The following FKBP5 variants were observed in gnomAD, a reference collection of about 807,000 sequenced individuals.
FKBP5 encodes the protein peptidyl-prolyl cis-trans isomerase FKBP5.
FKBP5 carries 23 observed loss-of-function variants against 50.5 expected under a neutral mutation model. The ratio of observed to expected loss-of-function variants is 0.46; its 90% CI spans 0.33 to 0.65. FKBP5 has a LOEUF of 0.65. FKBP5 is among the 30% of genes least tolerant of loss of function. The pLI is 0.02. For missense variants in FKBP5, 411 were observed against 553.1 expected (o/e 0.74, Z 2.58); for synonymous variants, 176 against 190.6 (o/e 0.92, Z 0.63).
chr6:35,700,994 T>C (rs1766171998), intron 2 of FKBP5, among the ~76,000 whole-genome samples: 1 of 152,122 alleles, frequency 6.6e-6, no homozygotes, highest in African/African-American at 2.4e-5. Context: ...TAAAAAAATT[T>C]AAAAATAGGA....
intron 3 of FKBP5, among the ~76,000 whole-genome samples, chr6:35,629,659 G>A (rs141243879): frequency 1.4e-4 from 21 of 152,218 alleles, no homozygotes; most frequent in Admixed American, 1.3e-3. Flanking sequence ...AAGAACTATA[G>A]CACCACAACA....
At chr6:35,645,469 A>G (rs1300524593) in intron 1 of FKBP5, among the ~76,000 whole-genome samples, 2 of 152,150 alleles carry the variant, frequency 1.3e-5, no homozygotes, top group African/African-American at 2.4e-5. Flanking sequence ...AGAGAGAGGG[A>G]GAGACGGGAG....
intron 1 of FKBP5, among the ~76,000 whole-genome samples, chr6:35,725,348 G>C (rs1766685798): frequency 6.6e-6 from 1 of 152,160 alleles, no homozygotes; most frequent in Admixed American, 6.5e-5. Context: ...ACATAGTGCT[G>C]TCACTTGTCT....
Position 35,620,207 on chromosome 6 carries a change from C to G in FKBP5, c.318G>C (p.Leu106=), listed in dbSNP as rs1216296418. 6.2e-7 allele frequency: 1 copy of G among 1,614,154 alleles called. No individual in the cohort carries two copies. Among genetic ancestry groups the G allele is most frequent in the Non-Finnish European group, 8.5e-7 (1 of 1,180,022 alleles). The change falls in exon 4 of 11, where the codon CTG becomes CTC. Residue 106 remains leucine, a synonymous_variant. Coordinates refer to ENST00000357266, the MANE Select transcript of FKBP5 (RefSeq NM_004117.4). ...TMKKGEICHL[L]CKPEYAYGSA... ...AGCCATATGCATATTCTGGTTTGCACAGTAAATGGCATATCTCTCCTTTCT... is the reference window on the plus strand; with the variant it reads ...AGCCATATGCATATTCTGGTTTGCAGAGTAAATGGCATATCTCTCCTTTCT...
At chr6:35,725,604 C>T (rs991049197) in intron 1 of FKBP5, among the ~76,000 whole-genome samples, 11 of 151,966 alleles carry the variant, frequency 7.2e-5, no homozygotes, top group African/African-American at 2.2e-4. Context: ...AACCTAAAGA[C>T]GGGGAGTGGG....
At chr6:35,639,173 T>C (rs1292100240) in intron 2 of FKBP5, among the ~76,000 whole-genome samples, 1 of 152,214 alleles carries the variant, frequency 6.6e-6, no homozygotes, top group Non-Finnish European at 1.5e-5. Flanking sequence ...GTTAATAAGA[T>C]AGATTACTAT....
chr6:35,692,384 G>A (rs960404782), upstream of FKBP5, among the ~76,000 whole-genome samples: 3 of 152,186 alleles, frequency 2.0e-5, no homozygotes, highest in Non-Finnish European at 4.4e-5. Flanking sequence ...GGCACAGCTA[G>A]GAAGTAGCAG....
intron 2 of FKBP5, among the ~76,000 whole-genome samples, chr6:35,706,679 AC>A (rs2151020512): frequency 6.6e-6 from 1 of 152,288 alleles, no homozygotes; most frequent in African/African-American, 2.4e-5. Flanking sequence ...AAATTTTAAA[AC>A]CCACATACTC....
intron 1 of FKBP5, among the ~76,000 whole-genome samples, chr6:35,664,463 C>G (rs187526424): frequency 1.4e-4 from 21 of 152,276 alleles, no homozygotes; most frequent in African/African-American, 4.8e-4. Context: ...ACATGCCACT[C>G]CCGGAGGAAG....
intron 1 of FKBP5, among the ~76,000 whole-genome samples, chr6:35,644,926 T>C (rs1414969785): frequency 1.3e-5 from 2 of 152,138 alleles, no homozygotes. Context: ...TCTCTGGGTG[T>C]AAAGCACTGA....
chr6:35,678,528 A>C (rs1439640631), intron 1 of FKBP5, among the ~76,000 whole-genome samples: 3 of 152,228 alleles, frequency 2.0e-5, no homozygotes, highest in African/African-American at 7.2e-5. Context: ...ACAGATACGG[A>C]GTACTTAAAC....
At chr6:35,616,600 A>C (rs890510211) in intron 5 of FKBP5, among the ~76,000 whole-genome samples, 24 of 152,164 alleles carry the variant, frequency 1.6e-4, no homozygotes, top group African/African-American at 4.6e-4. Context: ...AAAGTTAAAA[A>C]AAAATTGACT....
At chr6:35,707,139 C>T (rs555227243) in intron 2 of FKBP5, among the ~76,000 whole-genome samples, 2 of 149,674 alleles carry the variant, frequency 1.3e-5, no homozygotes, top group Non-Finnish European at 3.0e-5. Flanking sequence ...TTGTATTTCT[C>T]TTTATATTGT....
intron 5 of FKBP5, among the ~76,000 whole-genome samples, chr6:35,611,129 G>A (rs1394102841): frequency 1.3e-5 from 2 of 152,116 alleles, no homozygotes. Flanking sequence ...TGGATTTGCT[G>A]AGACTAGTTT....
intron 2 of FKBP5, among the ~76,000 whole-genome samples, chr6:35,714,769 G>C (rs554977401): frequency 1.3e-5 from 2 of 148,286 alleles, no homozygotes; most frequent in African/African-American, 5.0e-5. Flanking sequence ...GTGAGCTATC[G>C]TGCCATTGCA....
At chr6:35,621,033 G>A (rs992710944) in intron 3 of FKBP5, among the ~76,000 whole-genome samples, 7 of 152,130 alleles carry the variant, frequency 4.6e-5, no homozygotes, top group African/African-American at 1.7e-4. Context: ...AGGATAAATT[G>A]CATAAAAGGG....
At chr6:35,636,512 G>T (rs1764313461) in intron 3 of FKBP5, among the ~76,000 whole-genome samples, 1 of 152,212 alleles carries the variant, frequency 6.6e-6, no homozygotes, top group African/African-American at 2.4e-5. Context: ...TACTTTGGGG[G>T]ACAGAAGTGC....
At chr6:35,592,307 A>C (rs2150961228) in intron 6 of FKBP5, among the ~76,000 whole-genome samples, 1 of 152,300 alleles carries the variant, frequency 6.6e-6, no homozygotes, top group African/African-American at 2.4e-5. Context: ...TGTTGCTTGC[A>C]CCACTTTCTT....
At chr6:35,701,366 C>T (rs1396857887) in intron 2 of FKBP5, among the ~76,000 whole-genome samples, 2 of 149,272 alleles carry the variant, frequency 1.3e-5, no homozygotes, top group East Asian at 2.0e-4. Context: ...GCCTCAGCCT[C>T]CCAAGTAGCT....
Sources: allele counts gnomAD v4.1 joint callset (sites outside exome capture counted in the v4.1 genomes callset), GRCh38; gene constraint gnomAD v4.1.1; transcripts MANE v1.5; gene names NCBI Gene and HGNC (gene_info 2026-07-23, HGNC 2026-07-21).